Variants in KLF7 observed in about 807,000 individuals in gnomAD.
KLF7 encodes KLF transcription factor 7, also known as Krueppel-like factor 7.
A neutral mutation model predicts 27.3 loss-of-function variants in KLF7; 2 were observed. The ratio of observed to expected loss-of-function variants is 0.07; its 90% CI spans 0.03 to 0.23. The LOEUF is 0.23. KLF7 is among the 10% of genes least tolerant of loss of function. KLF7 has a pLI of 1.00. For missense variants in KLF7, 221 were observed against 394.1 expected (o/e 0.56, Z 3.72); for synonymous variants, 165 against 162.4 (o/e 1.02, Z -0.12).
At position 207,110,651 on chromosome 2, in the gene KLF7, C is replaced by T. The variant is rs577481840; in HGVS notation, c.733+13123G>A. ...TGAGGCTCAGGAAGAGTCACAATCACGAATCTTCAATCTAGAAGGTTAAGC... is the reference window on the plus strand; with the variant it reads ...TGAGGCTCAGGAAGAGTCACAATCATGAATCTTCAATCTAGAAGGTTAAGC... On this transcript the variant is annotated intron_variant, in intron 2 of 3. Coordinates refer to ENST00000309446, the MANE Select transcript of KLF7 (RefSeq NM_003709.4). Among the ~76,000 whole-genome samples the T allele has an allele frequency of 2.6e-5, 4 of 152,256 alleles. No homozygotes were observed. In the East Asian group the frequency reaches 5.8e-4, roughly 22 times the overall value.
rs1382107544 is a variant in KLF7 at position 207,080,870 on chromosome 2, AT to A, written c.*342del. On this transcript the variant is annotated 3_prime_UTR_variant, in exon 4 of 4. Coordinates refer to ENST00000309446, the MANE Select transcript of KLF7 (RefSeq NM_003709.4). ...GTCACATCCATTTTCTTTGATTTCC[AT>A]TGGCAACAGCGGGAAATAATTCCAA... 4.8e-6 allele frequency: 2 copies of A among 415,724 alleles called. No individual in the cohort carries two copies. Among genetic ancestry groups the A allele is most frequent in the Non-Finnish European group, 8.5e-6 (2 of 235,920 alleles). 25.8% of individuals were successfully genotyped at this position (415,724 alleles called of 1,614,324 possible). A position where few individuals can be genotyped will look rare whatever the true frequency, so the allele number is the denominator to read the frequency against.
chr2:207,092,762 T>C (rs1462517824), intron 2 of KLF7, among the ~76,000 whole-genome samples: 1 of 152,242 alleles, frequency 6.6e-6, no homozygotes, highest in Non-Finnish European at 1.5e-5. Context: ...TTTTTGAGCA[T>C]GCATCTATGA....
At chr2:207,109,277 C>T (rs758073320) in intron 2 of KLF7, among the ~76,000 whole-genome samples, 3 of 152,186 alleles carry the variant, frequency 2.0e-5, no homozygotes, top group Non-Finnish European at 4.4e-5. Context: ...ACTCAGTTTT[C>T]TTAGCTATTC....
intron 2 of KLF7, among the ~76,000 whole-genome samples, chr2:207,094,294 G>A (rs2076577050): frequency 6.6e-6 from 1 of 152,138 alleles, no homozygotes; most frequent in Non-Finnish European, 1.5e-5. Flanking sequence ...AAGTTCTAAA[G>A]AGATTAGGAT....
At chr2:207,117,527 A>G (rs2077221316) in intron 2 of KLF7, among the ~76,000 whole-genome samples, 1 of 152,168 alleles carries the variant, frequency 6.6e-6, no homozygotes, top group Non-Finnish European at 1.5e-5. Flanking sequence ...ACATGGATAA[A>G]CTTCATTAGC....
rs2078690932 is a variant in KLF7 at position 207,165,820 on chromosome 2, C to T, written c.-252G>A. 4.5e-6 allele frequency: 6 copies of T among 1,336,182 alleles called. No individual in the cohort carries two copies. The highest frequency in any genetic ancestry group is 1.5e-5 in the African/African-American group (1 of 68,454). The allele number at this position is 1,336,182 out of a possible 1,614,324, so 82.8% of individuals were successfully genotyped here. ...CAGCGTGTACAGTGCAGACGACTGC[C>T]AGGAAAAGGGGACTTCTCCACGGGA... On this transcript the variant is annotated 5_prime_UTR_variant, in exon 1 of 4. Transcript: ENST00000309446.
At position 207,081,003 on chromosome 2, in the gene KLF7, T is replaced by C. The variant is rs2076256825; in HGVS notation, c.*210A>G. The C allele has an allele frequency of 3.6e-6, 2 of 548,194 alleles. No homozygotes were observed. Among genetic ancestry groups the C allele is most frequent in the South Asian group, 5.7e-5 (2 of 35,118 alleles). The allele number at this position is 548,194 out of a possible 1,614,324, so 34.0% of individuals were successfully genotyped here. A position where few individuals can be genotyped will look rare whatever the true frequency, so the allele number is the denominator to read the frequency against. ...GGCATAAAGAATAGACGTATATATT[T>C]TAAATATAGTTGAGTGCATGACAGT... On this transcript the variant is annotated 3_prime_UTR_variant, in exon 4 of 4. Transcript: ENST00000309446.
At chr2:207,154,229 C>CT (rs2078320168) in intron 1 of KLF7, among the ~76,000 whole-genome samples, 1 of 152,128 alleles carries the variant, frequency 6.6e-6, no homozygotes, top group Non-Finnish European at 1.5e-5. Flanking sequence ...TAAGCTCAGT[C>CT]ATCAGGTAAG....
chr2:207,172,349 T>G, the KLF7 span, among the ~76,000 whole-genome samples: 1 of 152,158 alleles, frequency 6.6e-6, no homozygotes, highest in Non-Finnish European at 1.5e-5. Context: ...CCAATCCCAC[T>G]TCAACACGAC....
intron 2 of KLF7, among the ~76,000 whole-genome samples, chr2:207,116,286 C>T (rs1421704762): frequency 6.6e-6 from 1 of 152,166 alleles, no homozygotes; most frequent in Non-Finnish European, 1.5e-5. Context: ...ACTGTAATTT[C>T]TACTACATTC....
rs2078677491 is a variant in KLF7 at position 207,165,367 on chromosome 2, A to G, written c.102+100T>C. The G allele has an allele frequency of 1.6e-5, 25 of 1,529,354 alleles. No individual in the cohort carries two copies. The South Asian group carries it at 2.7e-4, about 16-fold the overall frequency. 94.7% of individuals were successfully genotyped at this position (1,529,354 alleles called of 1,614,324 possible). On this transcript the variant is annotated intron_variant, in intron 1 of 3. Coordinates refer to ENST00000309446, the MANE Select transcript of KLF7 (RefSeq NM_003709.4). The stretch of plus-strand genomic sequence containing the variant: ...AGCCAAAAAGGAAGAAAAAAAAGTC[A>G]AACAAACAAACAAAAATTTCAACCC...
intron 3 of KLF7, 104 bp from the exon 4 acceptor site, chr2:207,081,368 C>A: frequency 9.9e-7 from 1 of 1,012,966 alleles, no homozygotes; most frequent in South Asian, 1.3e-5. Context: ...AGAGACAGTG[C>A]ACATGCATTG....
intron 2 of KLF7, among the ~76,000 whole-genome samples, chr2:207,115,081 T>A (rs2077143132): frequency 6.6e-6 from 1 of 152,120 alleles, no homozygotes; most frequent in Non-Finnish European, 1.5e-5. Context: ...AAAGGAGTTT[T>A]AATCTGTAAA....
At position 207,083,920 on chromosome 2, in the gene KLF7, G is replaced by C. The variant is rs150241536; in HGVS notation, c.858-2656C>G. Among the ~76,000 whole-genome samples, 643 of 152,234 alleles carry C rather than the reference G, an allele frequency of 4.2e-3. 5 individuals carry two copies. Among genetic ancestry groups the C allele is most frequent in the African/African-American group, 0.014 (601 of 41,532 alleles). On this transcript the variant is annotated intron_variant, in intron 3 of 3. Transcript: ENST00000309446. ...GCTTCTAGAAGCTGGAAAAGGAAAG[G>C]AAATGGATATTCCCCTAGAGCCTCC...
chr2:207,128,248 C>A (rs1422492054), intron 1 of KLF7, among the ~76,000 whole-genome samples: 1 of 152,016 alleles, frequency 6.6e-6, no homozygotes, highest in Non-Finnish European at 1.5e-5. Context: ...TGTCAATGGC[C>A]AAATGAATAA....
intron 1 of KLF7, among the ~76,000 whole-genome samples, chr2:207,140,657 C>A (rs191170361): frequency 3.3e-5 from 5 of 152,276 alleles, no homozygotes; most frequent in African/African-American, 1.2e-4. Flanking sequence ...GGAAGCAGAT[C>A]ACCTCAAGGG....
rs181242243 is a variant in KLF7 at position 207,077,356 on chromosome 2, T to C, written c.*3857A>G. Reference sequence around the variant, plus strand: ...ACAAAAGTCCTTATAAAATCTTCTCTGAAGCCAGAGAAGATTTTTTAAAAC... The same window carrying C: ...ACAAAAGTCCTTATAAAATCTTCTCCGAAGCCAGAGAAGATTTTTTAAAAC... On this transcript the variant is annotated 3_prime_UTR_variant, in exon 4 of 4. Coordinates refer to ENST00000309446, the MANE Select transcript of KLF7 (RefSeq NM_003709.4). 1.3e-5 allele frequency: 2 copies of C among 152,332 alleles called. No homozygotes were observed. The highest frequency in any genetic ancestry group is 6.5e-5 in the Admixed American group (1 of 15,306). 9.4% of individuals were successfully genotyped at this position (152,332 alleles called of 1,614,324 possible).
chr2:207,096,132 AGCAC>A (rs1274665769), intron 2 of KLF7, among the ~76,000 whole-genome samples: 1 of 152,318 alleles, frequency 6.6e-6, no homozygotes, highest in Admixed American at 6.5e-5. Context: ...CCGTGGTAGA[AGCAC>A]TCTCCCAGGC....
chr2:207,151,320 C>A (rs1454310321), intron 1 of KLF7, among the ~76,000 whole-genome samples: 1 of 151,868 alleles, frequency 6.6e-6, no homozygotes, highest in African/African-American at 2.4e-5. Flanking sequence ...GCTCACAATT[C>A]TTGAGGGTCC....
Sources: allele counts gnomAD v4.1 joint callset (sites outside exome capture counted in the v4.1 genomes callset), GRCh38; gene constraint gnomAD v4.1.1; transcripts MANE v1.5; gene names NCBI Gene and HGNC (gene_info 2026-07-23, HGNC 2026-07-21).